RCL1: variants seen among roughly 807,000 people sequenced by gnomAD.
RCL1 encodes RNA terminal phosphate cyclase like 1.
In RCL1, 24 loss-of-function variants were observed where a neutral mutation model predicts 42.4. The observed-to-expected ratio is 0.57, with a 90% CI of 0.41 to 0.80. The LOEUF (loss-of-function observed/expected upper bound fraction) is 0.80. RCL1 is among the 30% of genes least tolerant of loss of function. The pLI, the probability that RCL1 is intolerant of heterozygous loss-of-function variation, is 0.00. For synonymous variants in RCL1, 228 were observed against 177.3 expected, an observed-to-expected ratio of 1.29 and a Z score of -2.27; for missense variants, 578 against 467.9, an observed-to-expected ratio of 1.24 and a Z score of -2.17.
At chr9:4,835,777 T>C (rs1817105573) in intron 5 of RCL1, among the ~76,000 whole-genome samples, 1 of 152,268 alleles carries the variant, frequency 6.6e-6, no homozygotes, top group Non-Finnish European at 1.5e-5. Context: ...CGTATATCTT[T>C]AGTCCTGTTA....
At chr9:4,825,909 C>T (rs1428520194) in intron 2 of RCL1, among the ~76,000 whole-genome samples, 1 of 149,498 alleles carries the variant, frequency 6.7e-6, no homozygotes, top group East Asian at 2.0e-4. Context: ...CTAGCCTGGG[C>T]AATATAGTGA....
chr9:4,818,983 G>A (rs1384935404), intron 1 of RCL1, among the ~76,000 whole-genome samples: 1 of 151,980 alleles, frequency 6.6e-6, no homozygotes, highest in East Asian at 1.9e-4. Context: ...AGGGGCACAT[G>A]GTATTATAAA....
intron 3 of RCL1, among the ~76,000 whole-genome samples, chr9:4,827,716 G>C (rs1427636402): frequency 6.7e-6 from 1 of 149,336 alleles, no homozygotes; most frequent in Non-Finnish European, 1.5e-5. Flanking sequence ...CTGTCTTAAT[G>C]CCATTCTAGG....
chr9:4,860,227 G>C lies in RCL1; in HGVS notation c.1074G>C (p.Met358Ile), dbSNP rs1015344371. Residue 358 changes from methionine (M) to isoleucine (I), a missense_variant, in exon 9 of 9, where the codon ATG becomes ATC. Transcript: ENST00000381750. The stretch of plus-strand genomic sequence containing the variant: ...TCAAGGGTGGGGATAAAGTGCTGAT[G>C]ACCTGTGTTGGCATTGGTTTCTCCA... ...EELKGGDKVL[M>I]TCVGIGFSNL... The C allele has an allele frequency of 1.2e-6, 2 of 1,613,650 alleles. No homozygotes were observed. Among genetic ancestry groups the C allele is most frequent in the Middle Eastern group, 1.6e-4 (1 of 6,062 alleles).
Position 4,805,228 on chromosome 9 carries a change from A to T in RCL1, c.136+12001A>T, listed in dbSNP as rs183153052. 4.6e-4 allele frequency among the ~76,000 whole-genome samples: 70 copies of T among 152,310 alleles called. No homozygotes were observed. The East Asian group carries it at 0.01, about 22-fold the overall frequency. Reference sequence around the variant, plus strand: ...AACAATAAGCAAAACAAAAAAAACAAACAAAACCAAAAACTTTGGTTGGTG... The same window carrying T: ...AACAATAAGCAAAACAAAAAAAACATACAAAACCAAAAACTTTGGTTGGTG... On this transcript the variant is annotated intron_variant, in intron 1 of 8. Coordinates refer to ENST00000381750, the MANE Select transcript of RCL1 (RefSeq NM_005772.5).
chr9:4,828,373 A>C (rs373955775), intron 3 of RCL1, among the ~76,000 whole-genome samples: 1 of 152,164 alleles, frequency 6.6e-6, no homozygotes, highest in African/African-American at 2.4e-5. Flanking sequence ...CAAGATACCT[A>C]CTAGGGTATA....
At chr9:4,825,494 C>T (rs1283866098) in intron 2 of RCL1, among the ~76,000 whole-genome samples, 1 of 152,010 alleles carries the variant, frequency 6.6e-6, no homozygotes. Context: ...AGAATATGGT[C>T]CTGATTGTGA....
chr9:4,853,100 G>A (rs997802785), intron 8 of RCL1, among the ~76,000 whole-genome samples: 4 of 152,222 alleles, frequency 2.6e-5, no homozygotes, highest in African/African-American at 9.6e-5. Flanking sequence ...CGTGTTTACT[G>A]TGTGCAAGAT....
chr9:4,830,242 A>C (rs1816903275), intron 3 of RCL1, among the ~76,000 whole-genome samples: 1 of 152,178 alleles, frequency 6.6e-6, no homozygotes, highest in Non-Finnish European at 1.5e-5. Context: ...TAGGAACTAG[A>C]GCTATTGGAA....
At chr9:4,847,465 A>T (rs1372547778) in intron 7 of RCL1, among the ~76,000 whole-genome samples, 1 of 152,076 alleles carries the variant, frequency 6.6e-6, no homozygotes, top group Non-Finnish European at 1.5e-5. Context: ...ATCGGTTACC[A>T]AGCCTTCTTG....
intron 7 of RCL1, among the ~76,000 whole-genome samples, chr9:4,847,411 G>C (rs1374838522): frequency 6.6e-6 from 1 of 152,120 alleles, no homozygotes; most frequent in Non-Finnish European, 1.5e-5. Context: ...TATTTATCAA[G>C]TTTTAAGCCT....
chr9:4,818,233 T>G (rs1331737138), intron 1 of RCL1, among the ~76,000 whole-genome samples: 1 of 152,126 alleles, frequency 6.6e-6, no homozygotes, highest in East Asian at 1.9e-4. Context: ...GTTGCTAAGA[T>G]TTTTAAAGTG....
chr9:4,796,261 T>C (rs1842912480), intron 1 of RCL1, among the ~76,000 whole-genome samples: 1 of 152,178 alleles, frequency 6.6e-6, no homozygotes, highest in South Asian at 2.1e-4. Context: ...GTCCCCAATG[T>C]TTGTTATTTC....
chr9:4,801,873 A>T (rs983802495), intron 1 of RCL1, among the ~76,000 whole-genome samples: 1 of 151,034 alleles, frequency 6.6e-6, no homozygotes, highest in Admixed American at 6.6e-5. Context: ...ATTCTGTTCC[A>T]TTGATTTATA....
chr9:4,834,936 CT>C (rs772119762), intron 5 of RCL1, among the ~76,000 whole-genome samples: 21 of 152,294 alleles, frequency 1.4e-4, no homozygotes, highest in Admixed American at 2.6e-4. Context: ...TGAACCTGGT[CT>C]GTGTGACTCT....
intron 1 of RCL1, among the ~76,000 whole-genome samples, chr9:4,796,727 A>G (rs917355860): frequency 6.6e-6 from 1 of 152,148 alleles, no homozygotes; most frequent in Non-Finnish European, 1.5e-5. Flanking sequence ...ATGGCTGTGT[A>G]GTATTCCATA....
At chr9:4,799,558 C>G (rs1308278500) in intron 1 of RCL1, among the ~76,000 whole-genome samples, 1 of 152,206 alleles carries the variant, frequency 6.6e-6, no homozygotes. Flanking sequence ...CTCCTTCCCC[C>G]ACTTCTTCCT....
At chr9:4,822,323 C>A (rs1341624238) in intron 1 of RCL1, among the ~76,000 whole-genome samples, 1 of 152,180 alleles carries the variant, frequency 6.6e-6, no homozygotes, top group Non-Finnish European at 1.5e-5. Context: ...ACAGTGCCTT[C>A]AGTGGCAGAA....
chr9:4,813,448 C>G (rs1443562075), intron 1 of RCL1, among the ~76,000 whole-genome samples: 1 of 152,206 alleles, frequency 6.6e-6, no homozygotes, highest in Non-Finnish European at 1.5e-5. Context: ...TGTTCATCAT[C>G]ACTGGCCATC....
Sources: gnomAD v4.1 joint callset for allele counts (sites outside exome capture counted in the v4.1 genomes callset) on GRCh38, gnomAD v4.1.1 for gene constraint, MANE v1.5 for transcripts, NCBI Gene and HGNC (gene_info 2026-07-23, HGNC 2026-07-21) for gene names.